The following QRICH2 variants were observed in gnomAD, a reference collection of about 807,000 sequenced individuals.
QRICH2 encodes the protein glutamine-rich protein 2.
A neutral mutation model predicts 168.3 loss-of-function variants in QRICH2; 119 were observed. That is an observed-to-expected ratio of 0.71 (90% confidence interval 0.61 to 0.82). The LOEUF (loss-of-function observed/expected upper bound fraction) is 0.82. QRICH2 is among the 40% of genes least tolerant of loss of function. The pLI, the probability that QRICH2 is intolerant of heterozygous loss-of-function variation, is 0.00. For synonymous variants in QRICH2, 894 were observed against 951.2 expected (o/e 0.94, Z 1.11); for missense variants, 2,241 against 2,491.6 (o/e 0.90, Z 2.14).
chr17:76,276,917 A>G (rs1185373441), intron 16 of QRICH2, 150 bp from the exon 17 acceptor site: 3 of 730,944 alleles, frequency 4.1e-6, no homozygotes, highest in Non-Finnish European at 6.6e-6. Flanking sequence ...AGGTGGAGGG[A>G]GGTGAAACAG....
intron 3 of QRICH2, among the ~76,000 whole-genome samples, chr17:76,294,519 T>C (rs1598496496): frequency 6.6e-6 from 1 of 152,106 alleles, no homozygotes; most frequent in African/African-American, 2.4e-5. Flanking sequence ...TACAAAAATA[T>C]GTAATTTTTG....
At position 76,280,318 on chromosome 17, in the gene QRICH2, A is replaced by G; in HGVS notation, c.4595T>C (p.Leu1532Pro). The G allele has an allele frequency of 1.2e-6, 2 of 1,614,166 alleles. No individual in the cohort carries two copies. The highest frequency in any genetic ancestry group is 1.7e-6 in the Non-Finnish European group (2 of 1,180,020). Residue 1532 changes from leucine to proline, a missense_variant, in exon 11 of 19, where the codon CTG (leucine) becomes CCG (proline). This residue lies in a region of QRICH2 where 2,047 missense variants were observed against 2,303.8 expected (regional missense o/e 0.89). Coordinates refer to ENST00000680821, the MANE Select transcript of QRICH2 (RefSeq NM_001388453.1). The surrounding 1 kb of genome is among the most constrained non-coding windows in gnomAD (Gnocchi z 7.4). The stretch of plus-strand genomic sequence containing the variant: ...GTCCATCTCTGTGAGCAGCCTGTCC[A>G]GCATCTTCTGCCAGTCCTGCTCCTG... The part of the protein sequence containing the change: ...SGQEQDWQKM[L>P]DRLLTEMDNK...
At chr17:76,276,067 G>T in intron 17 of QRICH2, 120 bp from the exon 18 acceptor site, 1 of 1,205,918 alleles carries the variant, frequency 8.3e-7, no homozygotes. Flanking sequence ...AGCTGAGTGG[G>T]GTCCTCGTCA....
rs574195863 is a variant in QRICH2, at chr17:76,281,952, G to T, written c.4175C>A (p.Thr1392Lys). The change falls in exon 8 of 19, where the codon ACG becomes AAG. Residue 1392 changes from threonine to lysine, a missense_variant. Thr to Lys is a moderately conservative substitution (Grantham distance 78). Transcript: ENST00000680821. The surrounding 1 kb of genome is among the most constrained non-coding windows in gnomAD (Gnocchi z 4.4). Reference protein sequence around the residue: ...CSLDVSHQVSTLVRRYEQLQD... With the variant: ...CSLDVSHQVSKLVRRYEQLQD... Reference sequence around the variant, plus strand: ...GAGTTGCTCATAGCGCCGCACCAGCGTGCTGACCTGATGGCTCACATCCAG... The same window carrying T: ...GAGTTGCTCATAGCGCCGCACCAGCTTGCTGACCTGATGGCTCACATCCAG... The T allele has an allele frequency of 1.2e-6, 2 of 1,613,702 alleles. No individual in the cohort carries two copies. The highest frequency in any genetic ancestry group is 2.2e-5 in the East Asian group (1 of 44,896).
At position 76,280,241 on chromosome 17, in the gene QRICH2, G is replaced by A. The variant is rs1253734453; in HGVS notation, c.4626+46C>T. ...AGAAGGTGGTGCTGTCCCGATCCTG[G>A]GGGCAAGGCTGTGGGATGGAGAGCC... On this transcript the variant is annotated intron_variant, in intron 11 of 18. Coordinates refer to ENST00000680821, the MANE Select transcript of QRICH2 (RefSeq NM_001388453.1). The surrounding 1 kb of genome is among the most constrained non-coding windows in gnomAD (Gnocchi z 7.4). 2.5e-6 allele frequency: 4 copies of A among 1,610,574 alleles called. No homozygotes were observed. The highest frequency in any genetic ancestry group is 1.7e-6 in the Non-Finnish European group (2 of 1,177,832).
Position 76,280,673 on chromosome 17 carries a change from A to G in QRICH2, c.4442T>C (p.Leu1481Pro). Reference sequence around the variant, plus strand: ...ACCCACCACATCGATCTCCATCTCCAGGTGCTCCCTGTTGGCCTTTTCCTT... The same window carrying G: ...ACCCACCACATCGATCTCCATCTCCGGGTGCTCCCTGTTGGCCTTTTCCTT... ...LEKEKANREH[L>P]EMEIDVKADK... is the part of the protein sequence containing the mutation. The change falls in exon 10 of 19, where the codon CTG becomes CCG. Residue 1481 changes from leucine (L) to proline (P), a missense_variant. Physicochemically the swap from Leu to Pro is moderately conservative, Grantham distance 98. Transcript: ENST00000680821. The surrounding 1 kb of genome is among the most constrained non-coding windows in gnomAD (Gnocchi z 7.4). 3.1e-6 allele frequency: 5 copies of G among 1,614,108 alleles called. No individual in the cohort carries two copies. Among genetic ancestry groups the G allele is most frequent in the Non-Finnish European group, 4.2e-6 (5 of 1,180,004 alleles).
Position 76,292,694 on chromosome 17 carries a change from C to A in QRICH2, c.2033G>T (p.Arg678Leu). Residue 678 changes from arginine to leucine, a missense_variant, in exon 4 of 19, where the codon CGT (arginine) becomes CTT (leucine). Physicochemically the swap from Arg to Leu is moderately radical, Grantham distance 102. This residue lies in a region of QRICH2 where 2,047 missense variants were observed against 2,303.8 expected (regional missense o/e 0.89). Transcript: ENST00000680821. ...ATATGCACCAGGCTGCACCAAAGCACGCTGAAATCTGCCAGGTTGGACCAT... is the reference window on the plus strand; with the variant it reads ...ATATGCACCAGGCTGCACCAAAGCAAGCTGAAATCTGCCAGGTTGGACCAT... ...PGMVQPGRFQ[R>L]ALVQPGAYQP... is the part of the protein sequence containing the mutation. 6.2e-7 allele frequency: 1 copy of A among 1,613,328 alleles called. No homozygotes were observed. Among genetic ancestry groups the A allele is most frequent in the Non-Finnish European group, 8.5e-7 (1 of 1,179,862 alleles).
Position 76,291,617 on chromosome 17 carries a change from T to C in QRICH2, c.3110A>G (p.Asp1037Gly). The C allele has an allele frequency of 6.2e-7, 1 of 1,614,124 alleles. No individual in the cohort carries two copies. The highest frequency in any genetic ancestry group is 1.3e-5 in the African/African-American group (1 of 75,020). Residue 1037 changes from aspartate (D) to glycine (G), a missense_variant, in exon 4 of 19, where the codon GAT becomes GGT. Around this residue, in one of 3 missense-constraint regions of QRICH2, gnomAD observed 2,047 missense variants for 2,303.8 expected, o/e 0.89. Coordinates refer to ENST00000680821, the MANE Select transcript of QRICH2 (RefSeq NM_001388453.1). ...ASQGLASPGI[D>G]RRSLVPPETY... is the part of the protein sequence containing the mutation. ...TTCTGGTGGTACCAAACTCCTTCGA[T>C]CTATACCAGGTGATGCCAAACCTTG...
chr17:76,282,443 C>T (rs553032462), intron 7 of QRICH2, among the ~76,000 whole-genome samples: 31 of 152,338 alleles, frequency 2.0e-4, no homozygotes, highest in Non-Finnish European at 3.8e-4. Flanking sequence ...GCCAGTTAGC[C>T]GGGCCATAAA....
intron 1 of QRICH2, among the ~76,000 whole-genome samples, chr17:76,306,234 A>C (rs2070989739): frequency 6.6e-6 from 1 of 151,698 alleles, no homozygotes; most frequent in African/African-American, 2.4e-5. Context: ...ACCACACTTT[A>C]AAGTTTGAAA....
rs763167946 is a variant in QRICH2, at chr17:76,278,023, G to A, written c.5083C>T (p.His1695Tyr). Residue 1695 changes from histidine to tyrosine, a missense_variant, in exon 15 of 19, where the codon CAC (histidine) becomes TAC (tyrosine). This residue lies in a region of QRICH2 where 2,047 missense variants were observed against 2,303.8 expected (regional missense o/e 0.89). Transcript: ENST00000680821. ...ASSQIIRELL[H>Y]AQCLGSPCYK... ...CAGGGGGAGCCCAGGCACTGGGCGT[G>A]CAGCAGCTCGCGGATTATCTGGCTG... 1.2e-6 allele frequency: 2 copies of A among 1,613,314 alleles called. No individual in the cohort carries two copies. Among genetic ancestry groups the A allele is most frequent in the South Asian group, 2.2e-5 (2 of 91,090 alleles).
At chr17:76,303,197 CT>C (rs2070933291) in intron 3 of QRICH2, among the ~76,000 whole-genome samples, 1 of 152,052 alleles carries the variant, frequency 6.6e-6, no homozygotes, top group African/African-American at 2.4e-5. Context: ...CTTGCAACAT[CT>C]TTCTGATGCC....
Position 76,307,721 on chromosome 17 carries a change from T to C in QRICH2, c.278A>G (p.Gln93Arg). Residue 93 changes from glutamine to arginine, a missense_variant, in exon 1 of 19, where the codon CAG becomes CGG. By Grantham distance (43) the Gln-to-Arg change is conservative. This residue lies in a region of QRICH2 where 2,047 missense variants were observed against 2,303.8 expected (regional missense o/e 0.89). Coordinates refer to ENST00000680821, the MANE Select transcript of QRICH2 (RefSeq NM_001388453.1). The surrounding 1 kb of genome is among the most constrained non-coding windows in gnomAD (Gnocchi z 5.3). ...GCTCTCCAGCGCTGACGAAGGCGCC[T>C]GGCCCACGCCCCTGCGCTTCTCCCG... ...APREKRRGVG[Q>R]APSSALESQV... The C allele has an allele frequency of 7.0e-7, 1 of 1,424,696 alleles. No individual in the cohort carries two copies. 88.3% of individuals were successfully genotyped at this position (1,424,696 alleles called of 1,614,324 possible). A position where few individuals can be genotyped will look rare whatever the true frequency, so the allele number is the denominator to read the frequency against.
rs186517232 is a variant in QRICH2, at chr17:76,274,109, C to T, written c.5634G>A (p.Thr1878=). 19 of 1,584,000 alleles carry T rather than the reference C, an allele frequency of 1.2e-5. No individual in the cohort carries two copies. The African/African-American group carries it at 1.7e-4, about 14-fold the overall frequency. ...GAGCGGTGCTGGACCGCGGCCCCCG[C>T]GTGGGCTCCTCGAGCCCCTCCCCAG... ...MPPGEGLEEP[T]RGPRSSTAQ Residue 1878 remains threonine (T), a synonymous_variant, in exon 19 of 19, where the codon ACG becomes ACA. Transcript: ENST00000680821.
At chr17:76,275,361 C>A (rs938443366) in intron 18 of QRICH2, among the ~76,000 whole-genome samples, 2 of 152,146 alleles carry the variant, frequency 1.3e-5, no homozygotes, top group African/African-American at 4.8e-5. Flanking sequence ...ACCCTCCTGA[C>A]CTTCAGGCCC....
At chr17:76,306,180 A>AC (rs1263646198) in intron 1 of QRICH2, among the ~76,000 whole-genome samples, 8 of 151,270 alleles carry the variant, frequency 5.3e-5, no homozygotes, top group Non-Finnish European at 7.4e-5. Flanking sequence ...AAAAAAAAAA[A>AC]AAAAAAAAAA....
At chr17:76,296,115 T>C (rs999088882) in intron 3 of QRICH2, among the ~76,000 whole-genome samples, 21 of 151,716 alleles carry the variant, frequency 1.4e-4, no homozygotes, top group African/African-American at 5.1e-4. Context: ...CCCAGCTACT[T>C]AGGAGGCTGA....
intron 7 of QRICH2, among the ~76,000 whole-genome samples, chr17:76,286,208 C>T (rs929550251): frequency 6.6e-6 from 1 of 152,018 alleles, no homozygotes; most frequent in Non-Finnish European, 1.5e-5. Context: ...ATGTGCATAG[C>T]AGCATTATTC....
In QRICH2 at chr17:76,281,995, T is replaced by A; in HGVS notation, c.4132A>T (p.Thr1378Ser). Residue 1378 changes from threonine (T) to serine (S), a missense_variant, in exon 8 of 19, where the codon ACC becomes TCC. Transcript: ENST00000680821. This position sits in a 1 kb window ranked among gnomAD's most constrained non-coding sequence, Gnocchi z 4.4. ...ACATCCAGGCTGCAGGCTGGACAGG[T>A]GGCCTCAGGGTCGATCTGGCCAGGA... ...LAPGQIDPEA[T>S]CPACSLDVSH... 6.2e-7 allele frequency: 1 copy of A among 1,613,430 alleles called. No individual in the cohort carries two copies. Among genetic ancestry groups the A allele is most frequent in the Non-Finnish European group, 8.5e-7 (1 of 1,179,810 alleles).
Sources: gnomAD v4.1 joint callset for allele counts (sites outside exome capture counted in the v4.1 genomes callset) on GRCh38, gnomAD v4.1.1 for gene constraint, gnomAD v4.1.1 regional missense constraint, Gnocchi (gnomAD v3.1) non-coding constraint, MANE v1.5 for transcripts, NCBI Gene and HGNC (gene_info 2026-07-23, HGNC 2026-07-21) for gene names.